Variants in NOS2 observed in about 807,000 individuals in gnomAD.
NOS2 encodes the protein nitric oxide synthase, inducible.
NOS2 carries 96 observed loss-of-function variants against 136.0 expected under a neutral mutation model. The ratio of observed to expected loss-of-function variants is 0.71; its 90% confidence interval spans 0.60 to 0.84. The LOEUF is 0.84. NOS2 is among the 40% of genes least tolerant of loss of function. The pLI is 0.00. For missense variants in NOS2, 1,237 were observed against 1,496.9 expected, an observed-to-expected ratio of 0.83 and a Z score of 2.87; for synonymous variants, 539 against 587.5, an observed-to-expected ratio of 0.92 and a Z score of 1.20.
rs747065784 is a variant in NOS2, at chr17:27,769,009, C to T, written c.2002G>A (p.Ala668Thr). 50 of 1,610,754 alleles carry T rather than the reference C, an allele frequency of 3.1e-5. No homozygotes were observed. The South Asian group carries it at 4.0e-4, about 13-fold the overall frequency. ...GTTTGCACGGCCCAGCTGCGGAAGG[C>T]GTCCTCCTGCCCACTGAGCTCATCC... ...EGDELSGQED[A>T]FRSWAVQTFK... The change falls in exon 17 of 27, where the codon GCC becomes ACC. Residue 668 changes from alanine (A) to threonine (T), a missense_variant. Ala to Thr is a moderately conservative substitution (Grantham distance 58, BLOSUM62 0). Around this residue, in one of 3 missense-constraint regions of NOS2, gnomAD observed 782 missense variants for 909.9 expected, o/e 0.86. Coordinates refer to ENST00000313735, the MANE Select transcript of NOS2 (RefSeq NM_000625.4).
chr17:27,773,250 A>T lies in NOS2; in HGVS notation c.1477-7T>A. 2.5e-6 allele frequency: 4 copies of T among 1,610,958 alleles called. No individual in the cohort carries two copies. Among genetic ancestry groups the T allele is most frequent in the Non-Finnish European group, 3.4e-6 (4 of 1,177,580 alleles). ...GGGTTTTCCAGGCCTCTACCTTCAG[A>T]AAAGAAAGGAGATGTGAGGGCAGGG... On this transcript the variant is annotated splice_region_variant and splice_polypyrimidine_tract_variant and intron_variant, in intron 12 of 26. Transcript: ENST00000313735.
intron 6 of NOS2, 26 bp from the exon 7 acceptor site, chr17:27,782,132 C>CAAAA: frequency 6.2e-7 from 1 of 1,604,806 alleles, no homozygotes; most frequent in Non-Finnish European, 8.5e-7. Context: ...CAGACCATGC[C>CAAAA]CATCAAAGAC....
At chr17:27,772,231 G>A (rs1908518665) in intron 14 of NOS2, 77 bp downstream of exon 14, 4 of 1,525,204 alleles carry the variant, frequency 2.6e-6, no homozygotes, top group Non-Finnish European at 3.6e-6. Flanking sequence ...TCCAGGAGTG[G>A]GGAAACCGTT....
At chr17:27,798,934 A>G in intron 1 of NOS2, 52 bp from the exon 2 acceptor site, 1 of 669,570 alleles carries the variant, frequency 1.5e-6, no homozygotes, top group Non-Finnish European at 2.7e-6. Flanking sequence ...TTTACAGAAC[A>G]GGGCTTCTCA....
chr17:27,764,060 G>A lies in NOS2; in HGVS notation c.2513C>T (p.Pro838Leu), dbSNP rs750125395. ...CAGCTTTTGGAGCAGCAGCTGGGTT[G>A]GGGGTGTGGTGATGTCCAGGAAGTA... is the stretch of plus-strand genomic sequence containing the variant. ...LTYFLDITTP[P>L]TQLLLQKLAQ... is the part of the protein sequence containing the mutation. The change falls in exon 21 of 27, where the codon CCA (proline) becomes CTA (leucine). Residue 838 changes from proline (P) to leucine (L), a missense_variant. Pro to Leu is a moderately conservative substitution (Grantham distance 98). Around this residue, in one of 3 missense-constraint regions of NOS2, gnomAD observed 782 missense variants for 909.9 expected, o/e 0.86. Coordinates refer to ENST00000313735, the MANE Select transcript of NOS2 (RefSeq NM_000625.4). The A allele has an allele frequency of 4.3e-6, 7 of 1,613,132 alleles. No homozygotes were observed. Among genetic ancestry groups the A allele is most frequent in the Non-Finnish European group, 5.1e-6 (6 of 1,179,556 alleles).
In NOS2 at chr17:27,768,992, G is replaced by A. The variant is rs140648818; in HGVS notation, c.2019C>T (p.Ala673=). 7.5e-5 allele frequency: 120 copies of A among 1,607,228 alleles called. No homozygotes were observed. The African/African-American group carries it at 1.3e-3, about 17-fold the overall frequency. Residue 673 remains alanine (A), a synonymous_variant, in exon 17 of 27, where the codon GCC becomes GCT. Transcript: ENST00000313735. ...GGGAACTGACCTTGAAGGTTTGCACGGCCCAGCTGCGGAAGGCGTCCTCCT... is the reference window on the plus strand; with the variant it reads ...GGGAACTGACCTTGAAGGTTTGCACAGCCCAGCTGCGGAAGGCGTCCTCCT... ...SGQEDAFRSW[A]VQTFKAACET...
At position 27,763,005 on chromosome 17, in the gene NOS2, G is replaced by A. The variant is rs756535807; in HGVS notation, c.2593C>T (p.Pro865Ser). ...AACTTCCACTTGCTGTACTCTGAGG[G>A]CTAAAAGCCAAGGGTGATGTCAGTG... Reference protein sequence around the residue: ...ERQRLEALCQPSEYSKWKFTN... With the variant: ...ERQRLEALCQSSEYSKWKFTN... The change falls in exon 22 of 27, where the codon CCC becomes TCC. Residue 865 changes from proline (P) to serine (S), a missense_variant and splice_region_variant. Physicochemically the swap from Pro to Ser is moderately conservative, Grantham distance 74. Coordinates refer to ENST00000313735, the MANE Select transcript of NOS2 (RefSeq NM_000625.4). 1.4e-5 allele frequency: 22 copies of A among 1,593,674 alleles called. No homozygotes were observed. In the African/African-American group the frequency reaches 2.5e-4, roughly 18 times the overall value.
Position 27,786,269 on chromosome 17 carries a change from A to T in NOS2, c.467+1409T>A, listed in dbSNP as rs138233753. Among the ~76,000 whole-genome samples the T allele has an allele frequency of 1.8e-3, 281 of 152,070 alleles. 2 individuals are homozygous for T. Among genetic ancestry groups the T allele is most frequent in the African/African-American group, 6.3e-3 (262 of 41,498 alleles). On this transcript the variant is annotated intron_variant, in intron 5 of 26. Transcript: ENST00000313735. ...AACCCCATCTCAACTAAAAATAAAA[A>T]AAAAAAATTAGCCAGGTGTAGTGGC...
At chr17:27,768,255 T>A (rs1908375073) in intron 17 of NOS2, among the ~76,000 whole-genome samples, 1 of 152,036 alleles carries the variant, frequency 6.6e-6, no homozygotes. Context: ...TTTCACATGT[T>A]ACTCAGGCTA....
Position 27,781,164 on chromosome 17 carries a change from C to T in NOS2, c.736G>A (p.Val246Met), listed in dbSNP as rs910375271. 14 of 1,607,520 alleles carry T rather than the reference C, an allele frequency of 8.7e-6. No homozygotes were observed. Among genetic ancestry groups the T allele is most frequent in the Middle Eastern group, 1.6e-4 (1 of 6,080 alleles). The change falls in exon 8 of 27, where the codon GTG becomes ATG. Residue 246 changes from valine (V) to methionine (M), a missense_variant. Coordinates refer to ENST00000313735, the MANE Select transcript of NOS2 (RefSeq NM_000625.4). The stretch of plus-strand genomic sequence containing the variant: ...TTGCCATCACTCCGCTGGGGGAACA[C>T]GGTGATGGCCGACCTTCCCAGGACA... ...NNGNIRSAITVFPQRSDGKHD... is the reference protein window; with the variant it reads ...NNGNIRSAITMFPQRSDGKHD...
At chr17:27,792,174 C>T (rs1264519322) in intron 2 of NOS2, among the ~76,000 whole-genome samples, 1 of 152,216 alleles carries the variant, frequency 6.6e-6, no homozygotes, top group Non-Finnish European at 1.5e-5. Context: ...CCACGATTAG[C>T]CTGGTCCCAT....
intron 5 of NOS2, among the ~76,000 whole-genome samples, chr17:27,787,139 T>A (rs1020707878): frequency 3.3e-5 from 5 of 152,224 alleles, no homozygotes; most frequent in African/African-American, 1.2e-4. Flanking sequence ...CTAGCTGGAA[T>A]GAGGTGACTT....
At chr17:27,799,068 G>A (rs1909448667) in intron 1 of NOS2, among the ~76,000 whole-genome samples, 186 bp from the exon 2 acceptor site, 1 of 152,096 alleles carries the variant, frequency 6.6e-6, no homozygotes, top group Non-Finnish European at 1.5e-5. Flanking sequence ...CTTCAATTCT[G>A]TAAAGCCACC....
chr17:27,788,701 G>T, intron 4 of NOS2, 108 bp downstream of exon 4: 1 of 1,384,412 alleles, frequency 7.2e-7, no homozygotes, highest in Non-Finnish European at 9.8e-7. Context: ...CTTTGCCCAA[G>T]CAGATGATTG....
rs777189054 is a variant in NOS2 at position 27,783,040 on chromosome 17, G to A, written c.534C>T (p.Thr178=). The part of the protein sequence containing the change: ...AVTKEIETTG[T]YQLTGDELIF... ...TGAGCTCATCTCCCGTCAGTTGGTAGGTTCCTGTTGTTTCTATCTCCTTTG... is the reference window on the plus strand; with the variant it reads ...TGAGCTCATCTCCCGTCAGTTGGTAAGTTCCTGTTGTTTCTATCTCCTTTG... The change falls in exon 6 of 27, where the codon ACC becomes ACT. Residue 178 remains threonine, a synonymous_variant. Coordinates refer to ENST00000313735, the MANE Select transcript of NOS2 (RefSeq NM_000625.4). 1.8e-5 allele frequency: 29 copies of A among 1,614,208 alleles called. No individual in the cohort carries two copies. In the South Asian group the frequency reaches 2.5e-4, roughly 14 times the overall value.
chr17:27,760,744 A>T lies in NOS2; in HGVS notation c.2889T>A (p.Asn963Lys). ...PQDPVPCFVR[N>K]ASGFHLPEDP... ...CCTCGGGGAGGTGGAAGCCGCTGGC[A>T]CTGAAGAGGACAGGAGAAGAGGGGG... Residue 963 changes from asparagine to lysine, a missense_variant and splice_region_variant, in exon 24 of 27, where the codon AAT becomes AAA. Transcript: ENST00000313735. The T allele has an allele frequency of 6.5e-7, 1 of 1,549,526 alleles. No individual in the cohort carries two copies. The highest frequency in any genetic ancestry group is 1.2e-5 in the South Asian group (1 of 83,952).
rs1908359729 is a variant in NOS2, at chr17:27,767,893, C to G, written c.2035-56G>C. On this transcript the variant is annotated intron_variant, in intron 17 of 26. Transcript: ENST00000313735. The stretch of plus-strand genomic sequence containing the variant: ...TGGTCAGCAGCAGCAGCATCCCCAC[C>G]ACTGGGGCTACCACTTTTTAGGCCC... 14 of 1,604,008 alleles carry G rather than the reference C, an allele frequency of 8.7e-6. 1 individual carries two copies. In the South Asian group the frequency reaches 1.3e-4, roughly 15 times the overall value.
At position 27,757,296 on chromosome 17, in the gene NOS2, T is replaced by C. The variant is rs755959857; in HGVS notation, c.3412A>G (p.Lys1138Glu). The C allele has an allele frequency of 1.9e-6, 3 of 1,613,988 alleles. No individual in the cohort carries two copies. Among genetic ancestry groups the C allele is most frequent in the South Asian group, 1.1e-5 (1 of 91,068 alleles). ...CTGGGCTGCACCGCCACCCTGTCCT[T>C]CTTCGCCTCGTAAGGAAATACAGCA... The part of the protein sequence containing the change: ...FGAVFPYEAK[K>E]DRVAVQPSSL... The change falls in exon 27 of 27, where the codon AAG (lysine) becomes GAG (glutamate). Residue 1138 changes from lysine to glutamate, a missense_variant. By Grantham distance (56) the Lys-to-Glu change is moderately conservative. Around this residue, in one of 3 missense-constraint regions of NOS2, gnomAD observed 782 missense variants for 909.9 expected, o/e 0.86. Transcript: ENST00000313735.
rs1195960319 is a variant in NOS2, at chr17:27,780,804, G to A, written c.967C>T (p.Pro323Ser). Residue 323 changes from proline to serine, a missense_variant, in exon 9 of 27, where the codon CCT becomes TCT. By Grantham distance (74) the Pro-to-Ser change is moderately conservative (BLOSUM62 -1). Around this residue, in one of 3 missense-constraint regions of NOS2, gnomAD observed 440 missense variants for 545.4 expected, o/e 0.81. Coordinates refer to ENST00000313735, the MANE Select transcript of NOS2 (RefSeq NM_000625.4). ...ATGGCCACCTCAAGCACAAGGTCAG[G>A]TGGGATTTCGAAGAGCTCAGGGTCA... The part of the protein sequence containing the change: ...GRDPELFEIP[P>S]DLVLEVAMEH... 14 of 1,614,096 alleles carry A rather than the reference G, an allele frequency of 8.7e-6. No homozygotes were observed. The highest frequency in any genetic ancestry group is 1.1e-5 in the Non-Finnish European group (13 of 1,180,046).
Sources: allele counts gnomAD v4.1 joint callset (sites outside exome capture counted in the v4.1 genomes callset), GRCh38; gene constraint gnomAD v4.1.1; regional missense constraint gnomAD v4.1.1; transcripts MANE v1.5; gene names NCBI Gene and HGNC (gene_info 2026-07-23, HGNC 2026-07-21).